Variants in RBFOX1 observed in about 807,000 individuals in gnomAD.
RBFOX1 encodes RNA binding fox-1 homolog 1, also known as RNA binding protein fox-1 homolog 1.
RBFOX1 carries 8 observed loss-of-function variants against 57.7 expected under a neutral mutation model. The observed-to-expected ratio is 0.14, with a 90% CI of 0.08 to 0.25. RBFOX1 has a LOEUF of 0.25. RBFOX1 is among the 10% of genes least tolerant of loss of function. The pLI, the probability that RBFOX1 is intolerant of heterozygous loss-of-function variation, is 1.00. For synonymous variants in RBFOX1, 326 were observed against 222.4 expected, an observed-to-expected ratio of 1.47 and a Z score of -4.15; for missense variants, 611 against 548.5, an observed-to-expected ratio of 1.11 and a Z score of -1.14.
At chr16:6,765,568 C>A (rs1355951610) in intron 3 of RBFOX1, among the ~76,000 whole-genome samples, 1 of 152,090 alleles carries the variant, frequency 6.6e-6, no homozygotes, top group South Asian at 2.1e-4. Context: ...ATGAGTACAA[C>A]CTCTATGGAA....
At chr16:6,085,614 G>T (rs2096072474) in intron 1 of RBFOX1, among the ~76,000 whole-genome samples, 1 of 151,978 alleles carries the variant, frequency 6.6e-6, no homozygotes, top group Non-Finnish European at 1.5e-5. Flanking sequence ...TGCCCCTGAT[G>T]ACCTGAAGGC....
intron 2 of RBFOX1, among the ~76,000 whole-genome samples, chr16:6,419,148 C>T (rs886543523): frequency 6.6e-6 from 1 of 152,138 alleles, no homozygotes; most frequent in African/African-American, 2.4e-5. Flanking sequence ...TTTTTCCAAA[C>T]CTTCAATTTT....
intron 1 of RBFOX1, among the ~76,000 whole-genome samples, chr16:6,309,130 G>A (rs79469337): frequency 0.031 from 4,754 of 152,020 alleles, 247 homozygotes; most frequent in African/African-American, 0.11. Flanking sequence ...TCAATGGCCT[G>A]TCTTATGTAC....
At position 6,799,424 on chromosome 16, in the gene RBFOX1, G is replaced by A. The variant is rs995390712; in HGVS notation, c.-16+144774G>A. Among the ~76,000 whole-genome samples the A allele has an allele frequency of 8.5e-5, 13 of 152,068 alleles. No homozygotes were observed. The East Asian group carries it at 9.6e-4, about 11-fold the overall frequency. On this transcript the variant is annotated intron_variant, in intron 3 of 15. Transcript: ENST00000550418. The stretch of plus-strand genomic sequence containing the variant: ...TAACCTAATAAGGCGTGAGTTATTC[G>A]CAAACTTTCTGGAAAAGAGGGAGTT...
At chr16:7,443,425 C>T (rs2098784662) in intron 4 of RBFOX1, among the ~76,000 whole-genome samples, 1 of 151,212 alleles carries the variant, frequency 6.6e-6, no homozygotes, top group Non-Finnish European at 1.5e-5. Flanking sequence ...TCAAGAGCTC[C>T]CCCTCCCCTC....
chr16:6,888,114 A>G (rs2064553039), intron 3 of RBFOX1, among the ~76,000 whole-genome samples: 1 of 152,150 alleles, frequency 6.6e-6, no homozygotes, highest in Admixed American at 6.5e-5. Flanking sequence ...CTTTACAATT[A>G]TTTCCCTGGA....
intron 3 of RBFOX1, among the ~76,000 whole-genome samples, chr16:5,728,699 C>T (rs1407537613): frequency 1.3e-5 from 2 of 152,174 alleles, no homozygotes; most frequent in African/African-American, 2.4e-5. Flanking sequence ...CCGCCCCTCC[C>T]CTCTCCATGG....
chr16:6,554,976 T>C (rs1320338905), intron 2 of RBFOX1, among the ~76,000 whole-genome samples: 2 of 152,178 alleles, frequency 1.3e-5, no homozygotes, highest in East Asian at 3.9e-4. Flanking sequence ...ATCCAGGTTC[T>C]TTTCCCAAAG....
rs560792867 is a variant in RBFOX1, at chr16:5,376,176, A to G, written c.220-91040A>G. On this transcript the variant is annotated intron_variant, in intron 1 of 2. Transcript: ENST00000585867. ...GAGCATGACTCTGTCTCAAAAGAAA[A>G]AAAAAAAAAAAGGTTAGTAATCTGT... Among the ~76,000 whole-genome samples, 10 of 152,020 alleles carry G rather than the reference A, an allele frequency of 6.6e-5. No homozygotes were observed. The South Asian group carries it at 1.5e-3, about 22-fold the overall frequency.
At chr16:6,713,075 G>C (rs997068095) in intron 3 of RBFOX1, among the ~76,000 whole-genome samples, 3 of 151,868 alleles carry the variant, frequency 2.0e-5, no homozygotes, top group African/African-American at 7.3e-5. Flanking sequence ...GTGAAACCAT[G>C]AGTCTATTAA....
intron 4 of RBFOX1, among the ~76,000 whole-genome samples, chr16:7,075,615 C>G (rs996263648): frequency 6.6e-6 from 1 of 152,024 alleles, no homozygotes; most frequent in Non-Finnish European, 1.5e-5. Flanking sequence ...GAGTCTCGCT[C>G]TGTTGCGCAG....
intron 2 of RBFOX1, among the ~76,000 whole-genome samples, chr16:6,600,905 A>G (rs1400068035): frequency 6.6e-6 from 1 of 152,240 alleles, no homozygotes; most frequent in Admixed American, 6.5e-5. Context: ...AGCCTCTAAT[A>G]TGACTAAACA....
chr16:6,909,551 C>G (rs1439833546), intron 3 of RBFOX1, among the ~76,000 whole-genome samples: 1 of 152,236 alleles, frequency 6.6e-6, no homozygotes, highest in Non-Finnish European at 1.5e-5. Context: ...TTATCTCCAG[C>G]AAACATGCAT....
chr16:6,120,105 GCACA>G lies in RBFOX1; in HGVS notation c.-127+100116_-127+100119del, dbSNP rs201536961. On this transcript the variant is annotated intron_variant, in intron 1 of 15. Coordinates refer to ENST00000550418, the MANE Select transcript of RBFOX1 (RefSeq NM_018723.4). Reference sequence around the variant, plus strand: ...TTTTTTGAAGTTGAGCCATGTGGTAGCACACATCAGTGCTTCATTCCCTTTTATG... The same window carrying G: ...TTTTTTGAAGTTGAGCCATGTGGTAGCATCAGTGCTTCATTCCCTTTTATG... Among the ~76,000 whole-genome samples, 1,303 of 152,290 alleles carry G rather than the reference GCACA, an allele frequency of 8.6e-3. 20 individuals carry two copies. The highest frequency in any genetic ancestry group is 0.03 in the African/African-American group (1,249 of 41,548).
At chr16:6,492,515 G>C (rs1177194462) in intron 2 of RBFOX1, among the ~76,000 whole-genome samples, 1 of 152,192 alleles carries the variant, frequency 6.6e-6, no homozygotes, top group Non-Finnish European at 1.5e-5. Flanking sequence ...GTTGCAGTGA[G>C]CCGAGATGGT....
chr16:7,522,371 G>C (rs1179425903), intron 5 of RBFOX1, among the ~76,000 whole-genome samples: 1 of 152,154 alleles, frequency 6.6e-6, no homozygotes, highest in East Asian at 1.9e-4. Flanking sequence ...TGTTCAGATT[G>C]GGCATTCAAC....
At chr16:6,147,422 G>T (rs938744052) in intron 1 of RBFOX1, among the ~76,000 whole-genome samples, 2 of 152,130 alleles carry the variant, frequency 1.3e-5, no homozygotes, top group Non-Finnish European at 1.5e-5. Flanking sequence ...CCTGGACATG[G>T]TTCTGCAAAA....
chr16:5,322,199 G>A (rs991949262), intron 1 of RBFOX1, among the ~76,000 whole-genome samples: 3 of 152,194 alleles, frequency 2.0e-5, no homozygotes, highest in Admixed American at 2.0e-4. Context: ...AGTTCTGGGA[G>A]CTTCTGAGAG....
chr16:5,473,621 G>T (rs576109895), intron 2 of RBFOX1, among the ~76,000 whole-genome samples: 1 of 144,698 alleles, frequency 6.9e-6, no homozygotes, highest in African/African-American at 2.5e-5. Context: ...GTGGATGGAT[G>T]GAAGGATAGA....
Sources: gnomAD v4.1 joint callset for allele counts (sites outside exome capture counted in the v4.1 genomes callset) on GRCh38, gnomAD v4.1.1 for gene constraint, MANE v1.5 for transcripts, NCBI Gene and HGNC (gene_info 2026-07-23, HGNC 2026-07-21) for gene names.